The following PRIM2 variants were observed in gnomAD, a reference collection of about 807,000 sequenced individuals.
PRIM2 encodes the protein DNA primase large subunit.
In PRIM2, 39 loss-of-function variants were observed where a neutral mutation model predicts 67.3. The ratio of observed to expected loss-of-function variants is 0.58; its 90% confidence interval spans 0.45 to 0.76. The LOEUF is 0.76. Ranked by LOEUF, PRIM2 falls within the 30% of genes least tolerant of loss-of-function variation. The probability of loss-of-function intolerance (pLI) is 0.00; values close to 1 mark genes in which losing one functional copy is unlikely to be tolerated. For missense variants in PRIM2, 398 were observed against 598.7 expected, an observed-to-expected ratio of 0.66 and a Z score of 3.50; for synonymous variants, 143 against 198.7, an observed-to-expected ratio of 0.72 and a Z score of 2.36.
chr6:57,259,426 T>G, the PRIM2 span, among the ~76,000 whole-genome samples: 1 of 152,204 alleles, frequency 6.6e-6, no homozygotes, highest in Non-Finnish European at 1.5e-5. Context: ...GGCTTGGAAC[T>G]GGCACACTAA....
intron 5 of PRIM2, among the ~76,000 whole-genome samples, chr6:57,347,538 T>C (rs570371697): frequency 7.7e-4 from 117 of 152,306 alleles, no homozygotes; most frequent in African/African-American, 1.9e-3. Flanking sequence ...CCTTGAACTC[T>C]TGGGCTGAAG....
intron 7 of PRIM2, among the ~76,000 whole-genome samples, chr6:57,440,550 T>G (rs1772171924): frequency 6.6e-6 from 1 of 152,252 alleles, no homozygotes; most frequent in African/African-American, 2.4e-5. Context: ...TAGTTGTTTG[T>G]AGATAGCTGA....
At position 57,598,367 on chromosome 6, in the gene PRIM2, A is replaced by C. The variant is rs1459603630; in HGVS notation, c.1021-2726A>C. On this transcript the variant is annotated intron_variant, in intron 10 of 13. Transcript: ENST00000615550. ...TTTGCCATACTCTAAAATTCATTTT[A>C]GAAACTTGGTTTTAGTTTTTGCCCA... 2.1e-4 allele frequency among the ~76,000 whole-genome samples: 32 copies of C among 152,202 alleles called. 1 individual carries two copies. Among genetic ancestry groups the C allele is most frequent in the Non-Finnish European group, 4.4e-5 (3 of 68,032 alleles).
chr6:57,400,700 G>GT (rs1301637360), intron 7 of PRIM2, among the ~76,000 whole-genome samples: 2 of 152,154 alleles, frequency 1.3e-5, no homozygotes, highest in Non-Finnish European at 2.9e-5. Flanking sequence ...TGTTTTCCAA[G>GT]TTGTTTGCTT....
intron 12 of PRIM2, among the ~76,000 whole-genome samples, chr6:57,615,478 C>T: frequency 6.6e-6 from 1 of 151,386 alleles, no homozygotes; most frequent in Non-Finnish European, 1.5e-5. Context: ...AGTAAAATCT[C>T]TCATTGGCTT....
At chr6:57,279,134 T>C in the PRIM2 span, among the ~76,000 whole-genome samples, 1 of 152,146 alleles carries the variant, frequency 6.6e-6, no homozygotes, top group Admixed American at 6.5e-5. Context: ...CCCAATTCAT[T>C]GAGGGAGTAG....
intron 7 of PRIM2, among the ~76,000 whole-genome samples, chr6:57,398,406 T>TA (rs1479344577): frequency 2.0e-5 from 3 of 152,210 alleles, no homozygotes; most frequent in Non-Finnish European, 4.4e-5. Flanking sequence ...TTTCATTTTT[T>TA]ACCCAAAAGT....
chr6:57,536,736 A>G (rs1775010175), intron 9 of PRIM2, among the ~76,000 whole-genome samples: 1 of 152,212 alleles, frequency 6.6e-6, no homozygotes, highest in Non-Finnish European at 1.5e-5. Flanking sequence ...TCAAAACAAT[A>G]CATATTATAT....
intron 13 of PRIM2, among the ~76,000 whole-genome samples, chr6:57,636,742 A>G (rs1777128593): frequency 6.6e-6 from 1 of 152,168 alleles, no homozygotes; most frequent in African/African-American, 2.4e-5. Context: ...TCTCTGAAAA[A>G]AAGGCAGTAG....
chr6:57,588,802 A>G (rs1776238745), intron 10 of PRIM2, among the ~76,000 whole-genome samples: 1 of 152,074 alleles, frequency 6.6e-6, no homozygotes, highest in Admixed American at 6.6e-5. Flanking sequence ...TTTTTCTGTA[A>G]TGTGTCTTGG....
At chr6:57,499,646 G>T (rs1424782750) in intron 7 of PRIM2, among the ~76,000 whole-genome samples, 5 of 151,980 alleles carry the variant, frequency 3.3e-5, no homozygotes, top group African/African-American at 1.2e-4. Flanking sequence ...TTTTCTTTCG[G>T]TCTTCATTTC....
intron 12 of PRIM2, among the ~76,000 whole-genome samples, chr6:57,610,671 A>G (rs1467933777): frequency 0.21 from 32,007 of 151,774 alleles, 3,929 homozygotes; most frequent in African/African-American, 0.34. Context: ...TATAAAAATT[A>G]TAAATATTTA....
At chr6:57,454,091 A>G (rs559115685) in intron 7 of PRIM2, among the ~76,000 whole-genome samples, 30 of 152,194 alleles carry the variant, frequency 2.0e-4, no homozygotes, top group African/African-American at 7.0e-4. Context: ...GATTACGTTT[A>G]TTGATTTTCG....
intron 10 of PRIM2, among the ~76,000 whole-genome samples, chr6:57,581,884 A>T (rs1776090273): frequency 6.6e-6 from 1 of 152,224 alleles, no homozygotes; most frequent in African/African-American, 2.4e-5. Context: ...TGTGCTACAC[A>T]CAGGGTTTAA....
intron 5 of PRIM2, among the ~76,000 whole-genome samples, chr6:57,337,222 G>A (rs970307591): frequency 2.6e-5 from 4 of 151,666 alleles, no homozygotes; most frequent in Non-Finnish European, 5.9e-5. Flanking sequence ...AGTCCTGAGT[G>A]ACCTACAAAG....
chr6:57,406,068 G>T (rs1219585118), intron 7 of PRIM2, among the ~76,000 whole-genome samples: 1 of 152,178 alleles, frequency 6.6e-6, no homozygotes, highest in Admixed American at 6.5e-5. Flanking sequence ...ACTTGTCTGG[G>T]GATTGCAGAG....
chr6:57,235,352 T>A, the PRIM2 span, among the ~76,000 whole-genome samples: 1,710 of 151,818 alleles, frequency 0.011, 35 homozygotes, highest in African/African-American at 0.039. Context: ...TAATTCCAGC[T>A]ACTCAGGAGG....
At chr6:57,555,352 T>C (rs1347510829) in intron 10 of PRIM2, among the ~76,000 whole-genome samples, 1,747 of 151,268 alleles carry the variant, frequency 0.012, 32 homozygotes, top group African/African-American at 0.037. Flanking sequence ...TGATCTTGGC[T>C]CACTGCAAGC....
At chr6:57,479,348 G>C (rs1773556826) in intron 7 of PRIM2, among the ~76,000 whole-genome samples, 1 of 151,664 alleles carries the variant, frequency 6.6e-6, no homozygotes, top group Non-Finnish European at 1.5e-5. Flanking sequence ...ATGTGTTGTA[G>C]ACTACTAAAA....
Sources: allele counts gnomAD v4.1 joint callset (sites outside exome capture counted in the v4.1 genomes callset), GRCh38; gene constraint gnomAD v4.1.1; transcripts MANE v1.5; gene names NCBI Gene and HGNC (gene_info 2026-07-23, HGNC 2026-07-21).